The following ANKRD50 variants were observed in gnomAD, a reference collection of about 807,000 sequenced individuals.
The protein encoded by ANKRD50 is ankyrin repeat domain 50.
A neutral mutation model predicts 112.0 loss-of-function variants in ANKRD50; 40 were observed. The ratio of observed to expected loss-of-function variants is 0.36; its 90% CI spans 0.28 to 0.46. The LOEUF (loss-of-function observed/expected upper bound fraction) is 0.46. Among genes scored for constraint, ANKRD50 ranks in the 20% least tolerant of loss-of-function variants. The probability of loss-of-function intolerance (pLI) is 1.00; values close to 1 mark genes in which losing one functional copy is unlikely to be tolerated. For synonymous variants in ANKRD50, 613 were observed against 619.1 expected (o/e 0.99, Z 0.15); for missense variants, 1,487 against 1,701.7 (o/e 0.87, Z 2.22).
Position 124,671,295 on chromosome 4 carries a change from A to T in ANKRD50, c.1982T>A (p.Leu661Gln), listed in dbSNP as rs1730644692. The T allele has an allele frequency of 6.2e-7, 1 of 1,613,696 alleles. No individual in the cohort carries two copies. The highest frequency in any genetic ancestry group is 8.5e-7 in the Non-Finnish European group (1 of 1,179,824). The change falls in exon 4 of 5, where the codon CTG (leucine) becomes CAG (glutamine). Residue 661 changes from leucine to glutamine, a missense_variant. Coordinates refer to ENST00000504087, the MANE Select transcript of ANKRD50 (RefSeq NM_020337.3). ...AAWGGHEDIV[L>Q]NLLQHGAEVN... ...TTCAGCGCCATGTTGTAGCAAATTC[A>T]GTACAATATCCTCGTGTCCTCCCCA...
In ANKRD50 at chr4:124,671,200, C is replaced by T. The variant is rs1560818875; in HGVS notation, c.2077G>A (p.Val693Met). The T allele has an allele frequency of 1.2e-6, 2 of 1,613,794 alleles. No individual in the cohort carries two copies. The highest frequency in any genetic ancestry group is 1.7e-5 in the Admixed American group (1 of 59,966). ...AAAYMGHREI[V>M]EHLLDHGAEV... Reference sequence around the variant, plus strand: ...GCTCCATGGTCCAGTAGGTGTTCCACAATCTCTCTATGTCCCATGTATGCT... The same window carrying T: ...GCTCCATGGTCCAGTAGGTGTTCCATAATCTCTCTATGTCCCATGTATGCT... The change falls in exon 4 of 5, where the codon GTG becomes ATG. Residue 693 changes from valine to methionine, a missense_variant. Physicochemically the swap from Val to Met is conservative, Grantham distance 21. Coordinates refer to ENST00000504087, the MANE Select transcript of ANKRD50 (RefSeq NM_020337.3).
chr4:124,705,870 CAAAGT>C (rs1435597664), intron 2 of ANKRD50, among the ~76,000 whole-genome samples: 1 of 151,912 alleles, frequency 6.6e-6, no homozygotes, highest in East Asian at 1.9e-4. Flanking sequence ...CTTTGGCTCT[CAAAGT>C]AAGTAAAAAT....
chr4:124,693,071 TC>T (rs1270164727), intron 2 of ANKRD50, among the ~76,000 whole-genome samples: 2 of 152,130 alleles, frequency 1.3e-5, no homozygotes, highest in African/African-American at 4.8e-5. Context: ...CATTTTGAAG[TC>T]CCTCTTCTTA....
Position 124,671,657 on chromosome 4 carries a change from C to G in ANKRD50, c.1620G>C (p.Gln540His), listed in dbSNP as rs375387643. The change falls in exon 4 of 5, where the codon CAG (glutamine) becomes CAC (histidine). Residue 540 changes from glutamine (Q) to histidine (H), a missense_variant. Physicochemically the swap from Gln to His is conservative, Grantham distance 24 (BLOSUM62 0). Around this residue, in one of 2 missense-constraint regions of ANKRD50, gnomAD observed 1,046 missense variants for 1,269.5 expected, o/e 0.82. Coordinates refer to ENST00000504087, the MANE Select transcript of ANKRD50 (RefSeq NM_020337.3). ...ATAATGTTCTCCCATTTGAATCACA[C>G]TGATTTACTGAAGCTCCATTATCTA... Reference protein sequence around the residue: ...TLLDNGASVNQCDSNGRTLLA... With the variant: ...TLLDNGASVNHCDSNGRTLLA... 1.9e-6 allele frequency: 3 copies of G among 1,613,736 alleles called. No homozygotes were observed. The highest frequency in any genetic ancestry group is 2.5e-6 in the Non-Finnish European group (3 of 1,179,856).
Position 124,691,952 on chromosome 4 carries a change from G to A in ANKRD50, c.513-13047C>T, listed in dbSNP as rs188628431. On this transcript the variant is annotated intron_variant, in intron 2 of 4. Transcript: ENST00000504087. Reference sequence around the variant, plus strand: ...TCTGAAACTTTTTGAGCACTGACATGATAACACAAGTGGAAAATTCCACAC... The same window carrying A: ...TCTGAAACTTTTTGAGCACTGACATAATAACACAAGTGGAAAATTCCACAC... Among the ~76,000 whole-genome samples the A allele has an allele frequency of 2.0e-5, 3 of 152,258 alleles. No homozygotes were observed. In the East Asian group the frequency reaches 5.8e-4, roughly 29 times the overall value.
rs1730524437 is a variant in ANKRD50, at chr4:124,667,534, A to C, written c.*4-20T>G. 6.6e-6 allele frequency: 1 copy of C among 152,078 alleles called. No homozygotes were observed. The highest frequency in any genetic ancestry group is 6.6e-5 in the Admixed American group (1 of 15,260). 9.4% of individuals were successfully genotyped at this position (152,078 alleles called of 1,614,324 possible). A position where few individuals can be genotyped will look rare whatever the true frequency, so the allele number is the denominator to read the frequency against. The stretch of plus-strand genomic sequence containing the variant: ...AGGAAACTAATGCAAAAGTTAAAAA[A>C]AAATTATTTTCTACATTGTATTATA... On this transcript the variant is annotated intron_variant, in intron 4 of 4. Transcript: ENST00000504087.
Position 124,669,554 on chromosome 4 carries a change from G to C in ANKRD50, c.3723C>G (p.Ser1241=). The stretch of plus-strand genomic sequence containing the variant: ...TTGGTGAATTATGACTCTGTCCTAA[G>C]GACTGTGTTGTGGAAGATGGGGAAA... The part of the protein sequence containing the change: ...SIVSPSSTTQ[S]LGQSHNSPSS... Residue 1241 remains serine, a synonymous_variant, in exon 4 of 5, where the codon TCC becomes TCG. Coordinates refer to ENST00000504087, the MANE Select transcript of ANKRD50 (RefSeq NM_020337.3). 1 of 1,613,282 alleles carries C rather than the reference G, an allele frequency of 6.2e-7. No individual in the cohort carries two copies. The highest frequency in any genetic ancestry group is 8.5e-7 in the Non-Finnish European group (1 of 1,179,824).
At chr4:124,686,572 A>G (rs1725012297) in intron 2 of ANKRD50, among the ~76,000 whole-genome samples, 1 of 152,156 alleles carries the variant, frequency 6.6e-6, no homozygotes, top group African/African-American at 2.4e-5. Flanking sequence ...GAATAGAATA[A>G]GCATTACTTG....
intron 2 of ANKRD50, among the ~76,000 whole-genome samples, chr4:124,691,441 G>A (rs1189327100): frequency 3.4e-4 from 44 of 129,146 alleles, no homozygotes; most frequent in Non-Finnish European, 6.0e-4. Flanking sequence ...GCAGTGAGCC[G>A]AGATTGCGCC....
At chr4:124,684,120 G>A (rs1724952824) in intron 2 of ANKRD50, among the ~76,000 whole-genome samples, 1 of 151,906 alleles carries the variant, frequency 6.6e-6, no homozygotes, top group African/African-American at 2.4e-5. Flanking sequence ...AATATATTTG[G>A]TCAAAGATTC....
intron 2 of ANKRD50, among the ~76,000 whole-genome samples, chr4:124,689,074 T>A (rs868249052): frequency 3.9e-5 from 6 of 152,198 alleles, no homozygotes; most frequent in Admixed American, 2.6e-4. Context: ...AAAGCCCTTA[T>A]AACAAATGTA....
In ANKRD50 at chr4:124,670,498, C is replaced by T. The variant is rs374139817; in HGVS notation, c.2779G>A (p.Asp927Asn). 2 of 1,613,640 alleles carry T rather than the reference C, an allele frequency of 1.2e-6. No individual in the cohort carries two copies. The highest frequency in any genetic ancestry group is 2.7e-5 in the African/African-American group (2 of 74,872). ...TGGCTAAAAAGCAATTCAACAATGT[C>T]CCTGTGCCCTTCTAATGCAGCAACC... ...LRVAALEGHR[D>N]IVELLFSHGA... is the part of the protein sequence containing the mutation. Residue 927 changes from aspartate (D) to asparagine (N), a missense_variant, in exon 4 of 5, where the codon GAC becomes AAC. Physicochemically the swap from Asp to Asn is conservative, Grantham distance 23. This residue lies in a region of ANKRD50 where 1,046 missense variants were observed against 1,269.5 expected (regional missense o/e 0.82). Transcript: ENST00000504087.
intron 2 of ANKRD50, among the ~76,000 whole-genome samples, chr4:124,704,055 A>T (rs765797933): frequency 6.6e-6 from 1 of 152,202 alleles, no homozygotes; most frequent in Non-Finnish European, 1.5e-5. Context: ...AATAAACAGA[A>T]GTTTGTATCT....
At chr4:124,712,164 C>G (rs1402640559) in intron 1 of ANKRD50, among the ~76,000 whole-genome samples, 1 of 152,082 alleles carries the variant, frequency 6.6e-6, no homozygotes, top group African/African-American at 2.4e-5. Context: ...CCTCTGCACC[C>G]CGCCCCGCAC....
Position 124,670,190 on chromosome 4 carries a change from C to G in ANKRD50, c.3087G>C (p.Gln1029His), listed in dbSNP as rs140645873. ...CTACAGCACCATGCTCAATCAGAAG[C>G]TGAACCACTTTTACATGGCCCTGCC... ...AAWQGHVKVV[Q>H]LLIEHGAVVD... is the part of the protein sequence containing the mutation. Residue 1029 changes from glutamine to histidine, a missense_variant, in exon 4 of 5, where the codon CAG becomes CAC. This residue lies in a region of ANKRD50 where 1,046 missense variants were observed against 1,269.5 expected (regional missense o/e 0.82). Coordinates refer to ENST00000504087, the MANE Select transcript of ANKRD50 (RefSeq NM_020337.3). 17 of 1,612,670 alleles carry G rather than the reference C, an allele frequency of 1.1e-5. No homozygotes were observed. In the African/African-American group the frequency reaches 1.9e-4, roughly 18 times the overall value.
chr4:124,708,917 T>C (rs979065176), intron 2 of ANKRD50, among the ~76,000 whole-genome samples: 1 of 152,028 alleles, frequency 6.6e-6, no homozygotes, highest in African/African-American at 2.4e-5. Context: ...TACTGTTTAC[T>C]GTAATTACTA....
chr4:124,676,522 C>A, intron 3 of ANKRD50, among the ~76,000 whole-genome samples: 1 of 150,732 alleles, frequency 6.6e-6, no homozygotes, highest in African/African-American at 2.4e-5. Context: ...GTACACACAC[C>A]CAAACTTAAT....
Position 124,670,987 on chromosome 4 carries a change from C to G in ANKRD50, c.2290G>C (p.Val764Leu). 1 of 1,613,836 alleles carries G rather than the reference C, an allele frequency of 6.2e-7. No homozygotes were observed. Among genetic ancestry groups the G allele is most frequent in the South Asian group, 1.1e-5 (1 of 91,084 alleles). Residue 764 changes from valine to leucine, a missense_variant, in exon 4 of 5, where the codon GTT becomes CTT. By Grantham distance (32) the Val-to-Leu change is conservative (BLOSUM62 1). Transcript: ENST00000504087. ...GCTCCCCCTTCTAGAAGCAAGTCAA[C>G]CACATCAACATGTCCTTCATAGGCA... Reference protein sequence around the residue: ...VAAYEGHVDVVDLLLEGGADV... With the variant: ...VAAYEGHVDVLDLLLEGGADV...
At chr4:124,678,952 A>C (rs1264145591) in intron 2 of ANKRD50, 47 bp from the exon 3 acceptor site, 1 of 1,345,750 alleles carries the variant, frequency 7.4e-7, no homozygotes, top group Non-Finnish European at 1.0e-6. Flanking sequence ...AGTGGCTATG[A>C]TGTTAAGATT....
Sources: gnomAD v4.1 joint callset for allele counts (sites outside exome capture counted in the v4.1 genomes callset) on GRCh38, gnomAD v4.1.1 for gene constraint, gnomAD v4.1.1 regional missense constraint, MANE v1.5 for transcripts, NCBI Gene and HGNC (gene_info 2026-07-23, HGNC 2026-07-21) for gene names.